Variants in SYT14 observed in about 807,000 individuals in gnomAD.
SYT14 encodes synaptotagmin-14.
Under a neutral mutation model 74.2 loss-of-function variants are expected in SYT14, and 32 were observed. The observed-to-expected ratio is 0.43, with a 90% CI of 0.33 to 0.58. SYT14 has a LOEUF of 0.58. Among genes scored for constraint, SYT14 ranks in the 20% least tolerant of loss-of-function variants. The pLI is 0.05. For synonymous variants in SYT14, 298 were observed against 337.7 expected (o/e 0.88, Z 1.29); for missense variants, 791 against 981.8 (o/e 0.81, Z 2.60).
chr1:210,169,241 T>TG (rs1235289444), exon 10 of SYT14: 5 of 142,136 alleles, frequency 3.5e-5, no homozygotes, highest in African/African-American at 7.8e-5. Flanking sequence ...TTTTTTTTTT[T>TG]TTTTTTTTTT....
rs35527744 is a variant in SYT14 at position 210,014,416 on chromosome 1, G to GTT, written c.-321+632_-321+633dup. Among the ~76,000 whole-genome samples, 507 of 143,060 alleles carry GTT rather than the reference G, an allele frequency of 3.5e-3. 3 individuals carry two copies. Among genetic ancestry groups the GTT allele is most frequent in the Middle Eastern group, 0.023 (6 of 266 alleles). 93.9% of individuals were successfully genotyped at this position (143,060 alleles called of 152,430 possible). A position where few individuals can be genotyped will look rare whatever the true frequency, so the allele number is the denominator to read the frequency against. Reference sequence around the variant, plus strand: ...CCTATGGAAACATTTTCCTTGGAGTGTTTTTTTTTTTTTTAATTACTACAA... The same window carrying GTT: ...CCTATGGAAACATTTTCCTTGGAGTGTTTTTTTTTTTTTTTTAATTACTACAA... On this transcript the variant is annotated intron_variant, in intron 3 of 9. Transcript: ENST00000637265.
At chr1:209,978,224 C>G (rs1022432806) in intron 2 of SYT14, among the ~76,000 whole-genome samples, 10 of 152,226 alleles carry the variant, frequency 6.6e-5, no homozygotes, top group Admixed American at 2.0e-4. Context: ...CATTCTCCGT[C>G]CAGCTTTGTT....
intron 7 of SYT14, among the ~76,000 whole-genome samples, chr1:210,143,108 G>A (rs1222865532): frequency 6.6e-6 from 1 of 152,148 alleles, no homozygotes; most frequent in Non-Finnish European, 1.5e-5. Flanking sequence ...GTAAGGAAGA[G>A]CCTATTTTGA....
intron 7 of SYT14, among the ~76,000 whole-genome samples, chr1:210,114,566 TA>T (rs2082322479): frequency 6.6e-6 from 1 of 151,230 alleles, no homozygotes; most frequent in African/African-American, 2.5e-5. Context: ...TCTGGGGCTG[TA>T]AAGCATCTAA....
intron 6 of SYT14, among the ~76,000 whole-genome samples, chr1:210,096,333 A>G (rs78539451): frequency 7.9e-5 from 12 of 152,336 alleles, no homozygotes; most frequent in African/African-American, 2.9e-4. Flanking sequence ...TCAGAGGAGT[A>G]AAGGACCAAA....
chr1:210,073,023 A>G (rs972234236), intron 5 of SYT14, among the ~76,000 whole-genome samples: 1 of 151,942 alleles, frequency 6.6e-6, no homozygotes, highest in Non-Finnish European at 1.5e-5. Flanking sequence ...AAAAAAAAAA[A>G]AAATCTTGTA....
At chr1:209,974,097 G>T (rs1232102678) in intron 2 of SYT14, among the ~76,000 whole-genome samples, 7 of 151,694 alleles carry the variant, frequency 4.6e-5, no homozygotes, top group Admixed American at 2.0e-4. Context: ...GTTCATTGTA[G>T]AATCTGGATA....
At chr1:210,066,137 T>C (rs2081291716) in intron 5 of SYT14, among the ~76,000 whole-genome samples, 1 of 151,962 alleles carries the variant, frequency 6.6e-6, no homozygotes, top group Non-Finnish European at 1.5e-5. Flanking sequence ...TGTTGGACAT[T>C]TGGGTTGGTT....
In SYT14 at chr1:210,057,866, A is replaced by G. The variant is rs191757671; in HGVS notation, c.1313-36456A>G. 1.9e-3 allele frequency among the ~76,000 whole-genome samples: 291 copies of G among 152,248 alleles called. 1 individual carries two copies. The highest frequency in any genetic ancestry group is 3.4e-3 in the Middle Eastern group (1 of 294). Reference sequence around the variant, plus strand: ...AACAGAATACTCCTTCCATATGCAGATTTCTTGTGACTATTTGGGGGTAAG... The same window carrying G: ...AACAGAATACTCCTTCCATATGCAGGTTTCTTGTGACTATTTGGGGGTAAG... On this transcript the variant is annotated intron_variant, in intron 5 of 9. Coordinates refer to ENST00000637265, the Ensembl canonical transcript of SYT14.
chr1:210,113,531 C>G (rs568073864), intron 7 of SYT14, among the ~76,000 whole-genome samples: 1 of 151,242 alleles, frequency 6.6e-6, no homozygotes, highest in African/African-American at 2.5e-5. Flanking sequence ...GGCTTTAATC[C>G]TTTTAAAGCA....
chr1:210,113,306 TGGGTTGTGGAG>T (rs991724150), intron 7 of SYT14, among the ~76,000 whole-genome samples: 22 of 150,910 alleles, frequency 1.5e-4, no homozygotes, highest in East Asian at 5.8e-4. Flanking sequence ...AGCAGAATAA[TGGGTTGTGGAG>T]GGGTTGTGGA....
intron 7 of SYT14, among the ~76,000 whole-genome samples, chr1:210,130,092 C>G (rs1481636228): frequency 6.6e-6 from 1 of 152,198 alleles, no homozygotes. Context: ...ATGAAACAAA[C>G]CATATCATTC....
rs558513457 is a variant in SYT14 at position 209,972,002 on chromosome 1, A to T, written c.-486+19246A>T. 2.0e-5 allele frequency among the ~76,000 whole-genome samples: 3 copies of T among 152,186 alleles called. No individual in the cohort carries two copies. In the South Asian group the frequency reaches 6.2e-4, roughly 32 times the overall value. On this transcript the variant is annotated intron_variant, in intron 2 of 9. Coordinates refer to ENST00000637265, the Ensembl canonical transcript of SYT14. The stretch of plus-strand genomic sequence containing the variant: ...TGCGTCTGTTAGAATTTGGCTGTGA[A>T]TCCATCTGGTGCAGGGCTTTTTTTG...
chr1:210,005,486 A>G (rs2079973177), intron 2 of SYT14, among the ~76,000 whole-genome samples: 1 of 151,934 alleles, frequency 6.6e-6, no homozygotes, highest in Non-Finnish European at 1.5e-5. Flanking sequence ...AGAAAGAAAG[A>G]ATCATTGAAA....
chr1:210,142,566 A>G (rs2082938465), intron 7 of SYT14, among the ~76,000 whole-genome samples: 1 of 152,128 alleles, frequency 6.6e-6, no homozygotes, highest in Non-Finnish European at 1.5e-5. Flanking sequence ...GCTGGCATGG[A>G]GATTGGTGAA....
chr1:209,981,181 G>T (rs2079477032), intron 2 of SYT14, among the ~76,000 whole-genome samples: 1 of 151,846 alleles, frequency 6.6e-6, no homozygotes, highest in South Asian at 2.1e-4. Context: ...TTTTTGCTTT[G>T]TAGTTTTTAT....
chr1:209,980,157 G>T (rs1369640754), intron 2 of SYT14, among the ~76,000 whole-genome samples: 1 of 152,110 alleles, frequency 6.6e-6, no homozygotes, highest in East Asian at 1.9e-4. Flanking sequence ...TGTTCTTACT[G>T]GTGTAAGATG....
chr1:209,952,797 A>G, intron 2 of SYT14, 41 bp downstream of exon 2: 1 of 1,529,318 alleles, frequency 6.5e-7, no homozygotes, highest in Non-Finnish European at 9.0e-7. Context: ...TACTAAATGA[A>G]TACTTCCAAA....
intron 7 of SYT14, among the ~76,000 whole-genome samples, chr1:210,141,581 T>A (rs1032513681): frequency 9.9e-5 from 15 of 152,226 alleles, no homozygotes; most frequent in African/African-American, 3.6e-4. Context: ...CTGTTTGTTG[T>A]TGTCATTCCT....
Sources: allele counts gnomAD v4.1 joint callset (sites outside exome capture counted in the v4.1 genomes callset), GRCh38; gene constraint gnomAD v4.1.1; transcripts MANE v1.5; gene names NCBI Gene and HGNC (gene_info 2026-07-23, HGNC 2026-07-21).